The following HS6ST3 variants were observed in gnomAD, a reference collection of about 807,000 sequenced individuals.
HS6ST3 encodes heparan sulfate 6-O-sulfotransferase 3, also known as heparan-sulfate 6-O-sulfotransferase 3.
In HS6ST3, 12 loss-of-function variants were observed where a neutral mutation model predicts 36.7. The ratio of observed to expected loss-of-function variants is 0.33; its 90% CI spans 0.21 to 0.53. The LOEUF is 0.53. Among genes scored for constraint, HS6ST3 ranks in the 20% least tolerant of loss-of-function variants. The pLI is 0.95. For synonymous variants in HS6ST3, 240 were observed against 257.5 expected, an observed-to-expected ratio of 0.93 and a Z score of 0.65; for missense variants, 584 against 640.9, an observed-to-expected ratio of 0.91 and a Z score of 0.96.
intron 1 of HS6ST3, among the ~76,000 whole-genome samples, chr13:96,559,724 T>C (rs896083263): frequency 2.9e-5 from 4 of 138,134 alleles, no homozygotes; most frequent in African/African-American, 1.1e-4. Flanking sequence ...CAGATTATTC[T>C]TTTTTTTTTT....
chr13:96,709,655 G>A (rs1171885414), intron 1 of HS6ST3, among the ~76,000 whole-genome samples: 1 of 152,068 alleles, frequency 6.6e-6, no homozygotes, highest in South Asian at 2.1e-4. Context: ...AAATCGGAAG[G>A]AGGCCTCGCA....
chr13:96,305,964 A>G (rs2054910836), intron 1 of HS6ST3, among the ~76,000 whole-genome samples: 1 of 147,524 alleles, frequency 6.8e-6, no homozygotes, highest in Admixed American at 7.0e-5. Context: ...TCACTGTGTC[A>G]CGTAGTGGCC....
chr13:96,658,268 C>CTTCTTCTTTTTTTTTTT (rs1566422902), intron 1 of HS6ST3, among the ~76,000 whole-genome samples: 1 of 76,190 alleles, frequency 1.3e-5, no homozygotes, highest in Non-Finnish European at 2.4e-5. Flanking sequence ...TCTTCTTCTT[C>CTTCTTCTTTTTTTTTTT]TTTTTTTTTT....
intron 1 of HS6ST3, among the ~76,000 whole-genome samples, chr13:96,119,247 A>G (rs2139305213): frequency 6.6e-6 from 1 of 152,218 alleles, no homozygotes; most frequent in Admixed American, 6.5e-5. Flanking sequence ...TATAAATAAC[A>G]TTAAATAATT....
chr13:96,388,380 C>A (rs779122743), intron 1 of HS6ST3, among the ~76,000 whole-genome samples: 22 of 152,120 alleles, frequency 1.4e-4, no homozygotes, highest in Non-Finnish European at 2.8e-4. Flanking sequence ...TAAATATATT[C>A]TTCATGAAAA....
intron 1 of HS6ST3, among the ~76,000 whole-genome samples, chr13:96,536,987 G>A (rs1028602734): frequency 6.6e-6 from 1 of 152,156 alleles, no homozygotes; most frequent in African/African-American, 2.4e-5. Context: ...TAAGATGTAA[G>A]AATCCTCTGC....
At chr13:96,357,061 T>C (rs573723434) in intron 1 of HS6ST3, among the ~76,000 whole-genome samples, 2 of 152,350 alleles carry the variant, frequency 1.3e-5, no homozygotes, top group South Asian at 2.1e-4. Flanking sequence ...AGACTTTGCT[T>C]CTGCAATTTC....
At chr13:96,611,977 G>C (rs373210801) in intron 1 of HS6ST3, among the ~76,000 whole-genome samples, 1 of 152,158 alleles carries the variant, frequency 6.6e-6, no homozygotes, top group Non-Finnish European at 1.5e-5. Context: ...AAGCAACAAC[G>C]TGGAGGCTGG....
At chr13:96,718,931 G>A (rs550830382) in intron 1 of HS6ST3, among the ~76,000 whole-genome samples, 1 of 152,184 alleles carries the variant, frequency 6.6e-6, no homozygotes, top group Middle Eastern at 3.4e-3. Context: ...GAGAGTCTAG[G>A]CATATACCAC....
chr13:96,538,590 C>T (rs941776057), intron 1 of HS6ST3, among the ~76,000 whole-genome samples: 3 of 152,166 alleles, frequency 2.0e-5, no homozygotes, highest in African/African-American at 4.8e-5. Context: ...ACTGCAGGCA[C>T]ATGCCACCAT....
intron 1 of HS6ST3, among the ~76,000 whole-genome samples, chr13:96,679,824 A>G (rs562741968): frequency 9.2e-5 from 14 of 152,168 alleles, no homozygotes; most frequent in Admixed American, 5.9e-4. Flanking sequence ...ATTTAAGGAT[A>G]TGGTATGTGC....
chr13:96,159,963 G>A (rs939191334), intron 1 of HS6ST3, among the ~76,000 whole-genome samples: 6 of 152,190 alleles, frequency 3.9e-5, no homozygotes, highest in African/African-American at 7.2e-5. Context: ...ACTTCATCTC[G>A]CTGAGCCCCA....
chr13:96,721,797 A>C (rs528757701), intron 1 of HS6ST3, among the ~76,000 whole-genome samples: 1 of 152,238 alleles, frequency 6.6e-6, no homozygotes, highest in African/African-American at 2.4e-5. Flanking sequence ...AGCCAAGCTC[A>C]TTAAAATTAC....
intron 1 of HS6ST3, among the ~76,000 whole-genome samples, chr13:96,358,006 C>G (rs373991338): frequency 1.3e-5 from 2 of 151,982 alleles, no homozygotes; most frequent in South Asian, 2.1e-4. Flanking sequence ...AAAAATGATG[C>G]GAATAGATTT....
chr13:96,329,050 C>T (rs1328981313), intron 1 of HS6ST3, among the ~76,000 whole-genome samples: 8 of 150,512 alleles, frequency 5.3e-5, no homozygotes, highest in African/African-American at 1.7e-4. Flanking sequence ...TTTTTTATTG[C>T]ATCTATTTGA....
intron 1 of HS6ST3, among the ~76,000 whole-genome samples, chr13:96,542,004 A>G (rs1238865754): frequency 3.3e-5 from 5 of 152,152 alleles, no homozygotes; most frequent in Admixed American, 2.0e-4. Flanking sequence ...CTTTCTTACT[A>G]TTATTGGATC....
intron 1 of HS6ST3, among the ~76,000 whole-genome samples, chr13:96,813,440 C>T (rs1305314163): frequency 6.6e-6 from 1 of 152,180 alleles, no homozygotes; most frequent in Non-Finnish European, 1.5e-5. Context: ...CACAGCCTCC[C>T]CACTGGGGTT....
chr13:96,499,562 G>T (rs1372269422), intron 1 of HS6ST3, among the ~76,000 whole-genome samples: 1 of 152,160 alleles, frequency 6.6e-6, no homozygotes, highest in Non-Finnish European at 1.5e-5. Context: ...AGCTGTTTCA[G>T]GTGGAATACT....
At position 96,488,855 on chromosome 13, in the gene HS6ST3, A is replaced by G. The variant is rs140746299; in HGVS notation, c.708-343635A>G. 9.0e-3 allele frequency among the ~76,000 whole-genome samples: 1,365 copies of G among 152,154 alleles called. 16 individuals carry two copies. Among genetic ancestry groups the G allele is most frequent in the Middle Eastern group, 0.02 (6 of 294 alleles). On this transcript the variant is annotated intron_variant, in intron 1 of 1. Coordinates refer to ENST00000376705, the MANE Select transcript of HS6ST3 (RefSeq NM_153456.4). ...TTCAGTACCTGTGAATATATTTCCT[A>G]TCACTCACCACAAAATTTTGAGATC...
Sources: allele counts gnomAD v4.1 joint callset (sites outside exome capture counted in the v4.1 genomes callset), GRCh38; gene constraint gnomAD v4.1.1; transcripts MANE v1.5; gene names NCBI Gene and HGNC (gene_info 2026-07-23, HGNC 2026-07-21).